Variants in GFRAL observed in about 807,000 individuals in gnomAD.
GFRAL encodes the protein GDNF family receptor alpha-like.
In GFRAL, 36 loss-of-function variants were observed where a neutral mutation model predicts 45.4. The ratio of observed to expected loss-of-function variants is 0.79; its 90% CI spans 0.61 to 1.05. The LOEUF (loss-of-function observed/expected upper bound fraction) is 1.05. Among genes scored for constraint, GFRAL ranks in the 50% least tolerant of loss-of-function variants. The pLI is 0.00. For missense variants in GFRAL, 507 were observed against 467.5 expected, an observed-to-expected ratio of 1.08 and a Z score of -0.78; for synonymous variants, 166 against 154.1, an observed-to-expected ratio of 1.08 and a Z score of -0.57.
Position 55,351,314 on chromosome 6 carries a change from T to C in GFRAL, c.432T>C (p.Cys144=). 6.2e-7 allele frequency: 1 copy of C among 1,613,488 alleles called. No individual in the cohort carries two copies. The highest frequency in any genetic ancestry group is 8.5e-7 in the Non-Finnish European group (1 of 1,179,658). The change falls in exon 5 of 9, where the codon TGT becomes TGC. Residue 144 remains cysteine, a synonymous_variant. Coordinates refer to ENST00000340465, the MANE Select transcript of GFRAL (RefSeq NM_207410.2). ...VAEACVGDVV[C]NAQLASYLKA... ...AGGCATGTGTAGGGGATGTGGTCTG[T>C]AATGCACAGTTGGCCTCTTACCTTA...
At chr6:55,341,168 GA>G (rs1767959443) in intron 3 of GFRAL, among the ~76,000 whole-genome samples, 1 of 152,196 alleles carries the variant, frequency 6.6e-6, no homozygotes, top group Admixed American at 6.5e-5. Context: ...CAGTTTTGAA[GA>G]GAATAGTGGT....
At chr6:55,350,327 C>T (rs1269573978) in intron 4 of GFRAL, among the ~76,000 whole-genome samples, 182 bp downstream of exon 4, 1 of 152,048 alleles carries the variant, frequency 6.6e-6, no homozygotes, top group African/African-American at 2.4e-5. Context: ...AAAGCAACTA[C>T]TTTGCCCATC....
chr6:55,385,820 G>T (rs1768674823), intron 6 of GFRAL, among the ~76,000 whole-genome samples: 2 of 152,184 alleles, frequency 1.3e-5, no homozygotes, highest in South Asian at 4.2e-4. Context: ...ACCAGGTTGT[G>T]TAGAGGAAAT....
intron 6 of GFRAL, among the ~76,000 whole-genome samples, chr6:55,360,269 C>T (rs1768255765): frequency 6.6e-6 from 1 of 151,942 alleles, no homozygotes; most frequent in African/African-American, 2.4e-5. Context: ...ACCCCTAGAT[C>T]CCTAGCTGTA....
At chr6:55,338,471 TATAAC>T (rs1254092177) in intron 3 of GFRAL, among the ~76,000 whole-genome samples, 1 of 152,182 alleles carries the variant, frequency 6.6e-6, no homozygotes, top group Non-Finnish European at 1.5e-5. Context: ...AGTATCATAA[TATAAC>T]ATATTTTGGA....
At chr6:55,341,627 C>T (rs1767966784) in intron 3 of GFRAL, among the ~76,000 whole-genome samples, 1 of 152,160 alleles carries the variant, frequency 6.6e-6, no homozygotes, top group Non-Finnish European at 1.5e-5. Flanking sequence ...TCTCCCCCTC[C>T]AAAGGAATGC....
At chr6:55,395,699 A>G (rs1448588232) in intron 6 of GFRAL, among the ~76,000 whole-genome samples, 1 of 151,754 alleles carries the variant, frequency 6.6e-6, no homozygotes, top group Non-Finnish European at 1.5e-5. Context: ...AACTTTTACA[A>G]TGCATTTACT....
chr6:55,395,848 T>C (rs1768818371), intron 6 of GFRAL, among the ~76,000 whole-genome samples: 1 of 151,946 alleles, frequency 6.6e-6, no homozygotes, highest in African/African-American at 2.4e-5. Flanking sequence ...GGGAGAATAT[T>C]ACCTAAATTT....
At chr6:55,388,539 T>C (rs1167745142) in intron 6 of GFRAL, among the ~76,000 whole-genome samples, 1 of 152,228 alleles carries the variant, frequency 6.6e-6, no homozygotes, top group Non-Finnish European at 1.5e-5. Context: ...AAAGAACATA[T>C]GGTAGCTATT....
intron 6 of GFRAL, among the ~76,000 whole-genome samples, chr6:55,392,840 T>G (rs1400982346): frequency 6.6e-6 from 1 of 151,964 alleles, no homozygotes; most frequent in Non-Finnish European, 1.5e-5. Flanking sequence ...AGTTCACCTA[T>G]GTAACAAACC....
intron 6 of GFRAL, among the ~76,000 whole-genome samples, chr6:55,372,287 A>G (rs1490688171): frequency 6.6e-6 from 1 of 152,116 alleles, no homozygotes; most frequent in Non-Finnish European, 1.5e-5. Context: ...CCCCAAGGAG[A>G]TCCCATCCAT....
At chr6:55,342,744 G>C (rs951782078) in intron 3 of GFRAL, among the ~76,000 whole-genome samples, 6 of 152,062 alleles carry the variant, frequency 3.9e-5, no homozygotes, top group Non-Finnish European at 8.8e-5. Context: ...ATTGGATAAA[G>C]AGTCAAGACC....
At chr6:55,369,432 C>G (rs983496011) in intron 6 of GFRAL, among the ~76,000 whole-genome samples, 2 of 152,150 alleles carry the variant, frequency 1.3e-5, no homozygotes, top group Admixed American at 6.5e-5. Flanking sequence ...AGCTGTAGAC[C>G]GGAGCTGTTC....
At chr6:55,360,936 T>C (rs1314841481) in intron 6 of GFRAL, among the ~76,000 whole-genome samples, 1 of 151,992 alleles carries the variant, frequency 6.6e-6, no homozygotes, top group Non-Finnish European at 1.5e-5. Context: ...TCTCTAAAAA[T>C]ACAGGTCTAA....
chr6:55,392,980 G>A (rs771402624), intron 6 of GFRAL, among the ~76,000 whole-genome samples: 1 of 152,034 alleles, frequency 6.6e-6, no homozygotes, highest in African/African-American at 2.4e-5. Context: ...AGAAATTGTC[G>A]TACATAGCGT....
At chr6:55,400,752 G>GT (rs1325502905) in intron 8 of GFRAL, among the ~76,000 whole-genome samples, 1 of 152,130 alleles carries the variant, frequency 6.6e-6, no homozygotes, top group Admixed American at 6.5e-5. Context: ...ATTGCTAAGA[G>GT]GGAAAAATAG....
chr6:55,376,116 C>T (rs1768531375), intron 6 of GFRAL, among the ~76,000 whole-genome samples: 1 of 152,056 alleles, frequency 6.6e-6, no homozygotes, highest in South Asian at 2.1e-4. Context: ...TTGAGATAAT[C>T]ATGTGGTTTT....
chr6:55,399,532 C>A, intron 8 of GFRAL, 91 bp downstream of exon 8: 1 of 848,746 alleles, frequency 1.2e-6, no homozygotes, highest in Non-Finnish European at 2.0e-6. Flanking sequence ...TTACAAAGAG[C>A]CTGAGAATGA....
intron 5 of GFRAL, among the ~76,000 whole-genome samples, chr6:55,352,258 TA>T (rs764615170): frequency 1.5e-4 from 23 of 152,094 alleles, no homozygotes; most frequent in Non-Finnish European, 2.4e-4. Flanking sequence ...AAACCATACA[TA>T]ATAATATACT....
Sources: gnomAD v4.1 joint callset for allele counts (sites outside exome capture counted in the v4.1 genomes callset) on GRCh38, gnomAD v4.1.1 for gene constraint, MANE v1.5 for transcripts, NCBI Gene and HGNC (gene_info 2026-07-23, HGNC 2026-07-21) for gene names.